SP140: variants seen among roughly 807,000 people sequenced by gnomAD.
The protein encoded by SP140 is nuclear body protein SP140.
SP140 carries 81 observed loss-of-function variants against 125.0 expected under a neutral mutation model. The observed-to-expected ratio is 0.65, with a 90% CI of 0.54 to 0.78. The LOEUF is 0.78. SP140 is among the 30% of genes least tolerant of loss of function. SP140 has a pLI of 0.00. For missense variants in SP140, 858 were observed against 1,037.0 expected, an observed-to-expected ratio of 0.83 and a Z score of 2.37; for synonymous variants, 312 against 354.0, an observed-to-expected ratio of 0.88 and a Z score of 1.33.
chr2:230,246,081 A>C, intron 7 of SP140, 141 bp downstream of exon 7: 1 of 623,324 alleles, frequency 1.6e-6, no homozygotes, highest in African/African-American at 1.8e-5. Context: ...ATCCATCCAT[A>C]TATCCATCCA....
chr2:230,206,962 T>TA (rs2043931051), intron 1 of SP140, among the ~76,000 whole-genome samples: 1 of 152,050 alleles, frequency 6.6e-6, no homozygotes, highest in African/African-American at 2.4e-5. Context: ...ACTGGAGTGG[T>TA]CTTTCCCTAG....
At chr2:230,252,319 T>C (rs1482121354) in intron 10 of SP140, among the ~76,000 whole-genome samples, 2 of 151,974 alleles carry the variant, frequency 1.3e-5, no homozygotes, top group Non-Finnish European at 2.9e-5. Context: ...ACAGTTGCCT[T>C]CATAGAGTAG....
At chr2:230,217,266 T>C (rs939717935) in intron 3 of SP140, among the ~76,000 whole-genome samples, 4 of 95,434 alleles carry the variant, frequency 4.2e-5, no homozygotes, top group Non-Finnish European at 6.4e-5. Flanking sequence ...AAAAAAAAAA[T>C]AGAAGCAAAA....
downstream of SP140, among the ~76,000 whole-genome samples, chr2:230,313,577 C>T (rs953345497): frequency 6.6e-6 from 1 of 152,190 alleles, no homozygotes. Flanking sequence ...CTTTTGGCCA[C>T]ACGATGCTGC....
Position 230,238,247 on chromosome 2 carries a change from T to G in SP140, c.272T>G (p.Val91Gly). ...FQEAFRNLVP[V>G]TRVMYCVLSE... ...GAAGCTTTTAGAAACCTGGTCCCAG[T>G]GACAAGAGTGATGTATTGTGTACTC... is the stretch of plus-strand genomic sequence containing the variant. The change falls in exon 3 of 27, where the codon GTG becomes GGG. Residue 91 changes from valine (V) to glycine (G), a missense_variant. Around this residue, in one of 4 missense-constraint regions of SP140, gnomAD observed 791 missense variants for 869.5 expected, o/e 0.91. Transcript: ENST00000392045. 1 of 1,602,416 alleles carries G rather than the reference T, an allele frequency of 6.2e-7. No individual in the cohort carries two copies.
chr2:230,295,965 A>G (rs1006225864), intron 21 of SP140, among the ~76,000 whole-genome samples: 2 of 152,196 alleles, frequency 1.3e-5, no homozygotes, highest in East Asian at 1.9e-4. Flanking sequence ...CAGGCCAAAC[A>G]TGGTCACTTG....
chr2:230,214,722 T>G (rs1050715014), intron 3 of SP140, among the ~76,000 whole-genome samples: 1 of 152,216 alleles, frequency 6.6e-6, no homozygotes, highest in Non-Finnish European at 1.5e-5. Context: ...TCCAAATTCA[T>G]AGAACACATA....
intron 15 of SP140, among the ~76,000 whole-genome samples, chr2:230,271,882 C>T (rs747174100): frequency 7.2e-5 from 11 of 152,032 alleles, no homozygotes; most frequent in Non-Finnish European, 1.5e-4. Flanking sequence ...TATACATTCA[C>T]AAAAAAAGTT....
intron 3 of SP140, among the ~76,000 whole-genome samples, chr2:230,214,671 T>A (rs935329290): frequency 2.6e-5 from 4 of 152,224 alleles, no homozygotes; most frequent in African/African-American, 9.6e-5. Context: ...CCTTATGCAT[T>A]CCCTATAGAT....
At chr2:230,195,475 C>G in the SP140 span, among the ~76,000 whole-genome samples, 1 of 152,084 alleles carries the variant, frequency 6.6e-6, no homozygotes, top group Non-Finnish European at 1.5e-5. Context: ...GCTGGCATAA[C>G]AGGTATGCAC....
the SP140 span, among the ~76,000 whole-genome samples, chr2:230,188,937 G>A: frequency 6.6e-6 from 1 of 152,058 alleles, no homozygotes; most frequent in Admixed American, 6.6e-5. Flanking sequence ...TCTAGGAGGG[G>A]TGTATGTCTC....
chr2:230,247,149 A>C (rs548935495), intron 7 of SP140, among the ~76,000 whole-genome samples: 47 of 152,302 alleles, frequency 3.1e-4, no homozygotes, highest in African/African-American at 1.1e-3. Flanking sequence ...ATGATTTCAA[A>C]ACACATATGT....
upstream of SP140, chr2:230,225,641 C>T (rs2046221174): frequency 1.6e-6 from 1 of 629,746 alleles, no homozygotes; most frequent in Admixed American, 2.4e-5. Context: ...GGCTCTGCTC[C>T]TCCTCCCTTG....
At chr2:230,197,131 A>G in the SP140 span, among the ~76,000 whole-genome samples, 3 of 152,188 alleles carry the variant, frequency 2.0e-5, no homozygotes, top group African/African-American at 7.2e-5. Flanking sequence ...GATTTCCACA[A>G]TGGTTGAACT....
the SP140 span, among the ~76,000 whole-genome samples, chr2:230,195,977 A>G: frequency 6.6e-6 from 1 of 152,212 alleles, no homozygotes; most frequent in Non-Finnish European, 1.5e-5. Context: ...GAAGATGACA[A>G]ATTTATTTAG....
At chr2:230,198,228 AAAAG>A (rs1355699991), upstream of SP140, among the ~76,000 whole-genome samples, 1 of 152,098 alleles carries the variant, frequency 6.6e-6, no homozygotes, top group African/African-American at 2.4e-5. Flanking sequence ...CACAGGCGGG[AAAAG>A]AATGTGGAGA....
chr2:230,247,450 A>G (rs1559248139), intron 7 of SP140, among the ~76,000 whole-genome samples: 1 of 152,106 alleles, frequency 6.6e-6, no homozygotes, highest in South Asian at 2.1e-4. Context: ...AGTGAGTTCT[A>G]CATATCTCAC....
chr2:230,195,011 CAA>C, the SP140 span, among the ~76,000 whole-genome samples: 1 of 151,720 alleles, frequency 6.6e-6, no homozygotes, highest in South Asian at 2.1e-4. Flanking sequence ...TGATAAACAC[CAA>C]GAGAGTAACA....
intron 10 of SP140, among the ~76,000 whole-genome samples, chr2:230,251,903 C>T (rs972466531): frequency 3.3e-5 from 5 of 151,998 alleles, no homozygotes; most frequent in Admixed American, 1.3e-4. Context: ...TTTGTTAAGA[C>T]CCAAGAAGGA....
Sources: allele counts gnomAD v4.1 joint callset (sites outside exome capture counted in the v4.1 genomes callset), GRCh38; gene constraint gnomAD v4.1.1; regional missense constraint gnomAD v4.1.1; transcripts MANE v1.5; gene names NCBI Gene and HGNC (gene_info 2026-07-23, HGNC 2026-07-21).